The following IDE variants were observed in gnomAD, a reference collection of about 807,000 sequenced individuals.
IDE encodes insulin-degrading enzyme.
In IDE, 58 loss-of-function variants were observed where a neutral mutation model predicts 133.2. The ratio of observed to expected loss-of-function variants is 0.44; its 90% CI spans 0.35 to 0.54. The LOEUF (loss-of-function observed/expected upper bound fraction) is 0.54, where lower values mean the gene tolerates loss of function less well. Ranked by LOEUF, IDE falls within the 20% of genes least tolerant of loss-of-function variation. The pLI, the probability that IDE is intolerant of heterozygous loss-of-function variation, is 0.00. For missense variants in IDE, 981 were observed against 1,234.0 expected (o/e 0.79, Z 3.07); for synonymous variants, 396 against 421.3 (o/e 0.94, Z 0.73).
At chr10:92,475,071 TC>T (rs1340940121) in intron 16 of IDE, 110 bp from the exon 17 acceptor site, 1 of 745,404 alleles carries the variant, frequency 1.3e-6, no homozygotes, top group Non-Finnish European at 2.1e-6. Flanking sequence ...ACTAGGATAT[TC>T]CCTTCTTTCC....
At chr10:92,559,430 T>C (rs1843171354) in intron 1 of IDE, among the ~76,000 whole-genome samples, 1 of 152,218 alleles carries the variant, frequency 6.6e-6, no homozygotes, top group Non-Finnish European at 1.5e-5. Context: ...AATGCAATAC[T>C]ATGAGTACTA....
At chr10:92,486,950 T>C (rs182236694) in intron 13 of IDE, among the ~76,000 whole-genome samples, 17 of 152,350 alleles carry the variant, frequency 1.1e-4, no homozygotes, top group African/African-American at 3.8e-4. Context: ...CAGCTCAGAC[T>C]TACTTTTTTC....
intron 22 of IDE, among the ~76,000 whole-genome samples, chr10:92,458,738 G>C (rs1012645052): frequency 6.6e-5 from 10 of 152,034 alleles, no homozygotes; most frequent in African/African-American, 2.4e-4. Context: ...CTGACCTCGT[G>C]ATCTGCCCAC....
In IDE at chr10:92,461,139, C is replaced by T. The variant is rs1020660302; in HGVS notation, c.2823+52G>A. On this transcript the variant is annotated intron_variant, in intron 22 of 24. Coordinates refer to ENST00000265986, the MANE Select transcript of IDE (RefSeq NM_004969.4). Reference sequence around the variant, plus strand: ...TACAGGTGTAGGCCGCCATACCCAGCCCTATAATACTTTCATATCAGTCAA... The same window carrying T: ...TACAGGTGTAGGCCGCCATACCCAGTCCTATAATACTTTCATATCAGTCAA... 10 of 887,628 alleles carry T rather than the reference C, an allele frequency of 1.1e-5. No individual in the cohort carries two copies. In the African/African-American group the frequency reaches 1.5e-4, roughly 13 times the overall value. 55.0% of individuals were successfully genotyped at this position (887,628 alleles called of 1,614,324 possible).
At chr10:92,570,782 G>C (rs898207320) in intron 1 of IDE, among the ~76,000 whole-genome samples, 3 of 151,818 alleles carry the variant, frequency 2.0e-5, no homozygotes, top group Non-Finnish European at 4.4e-5. Context: ...GTGGGGTGGT[G>C]GCATGAGCCT....
At chr10:92,488,099 T>C (rs1847110950) in intron 12 of IDE, among the ~76,000 whole-genome samples, 1 of 151,526 alleles carries the variant, frequency 6.6e-6, no homozygotes, top group Non-Finnish European at 1.5e-5. Context: ...CCGGCCTCAC[T>C]TCAGTACTTC....
At chr10:92,563,055 A>G (rs893667754) in intron 1 of IDE, among the ~76,000 whole-genome samples, 2 of 152,186 alleles carry the variant, frequency 1.3e-5, no homozygotes, top group African/African-American at 4.8e-5. Flanking sequence ...GTTCGAGACC[A>G]GCCTGGCCAA....
At chr10:92,557,205 G>C (rs1262177318) in intron 1 of IDE, among the ~76,000 whole-genome samples, 2 of 152,158 alleles carry the variant, frequency 1.3e-5, no homozygotes, top group Non-Finnish European at 2.9e-5. Flanking sequence ...CAAAACAATT[G>C]TAAGCAAAAT....
At chr10:92,527,906 C>T (rs1248907846) in intron 4 of IDE, among the ~76,000 whole-genome samples, 1 of 152,142 alleles carries the variant, frequency 6.6e-6, no homozygotes. Context: ...ATCCCAACTA[C>T]TTGGGGAGCT....
At chr10:92,568,824 AAATAAT>A (rs1223478035) in intron 1 of IDE, among the ~76,000 whole-genome samples, 5 of 149,152 alleles carry the variant, frequency 3.4e-5, no homozygotes, top group African/African-American at 2.5e-5. Flanking sequence ...TCAAAAAAAA[AAATAAT>A]AATAATAATA....
At chr10:92,455,272 T>G (rs1844931772) in intron 24 of IDE, among the ~76,000 whole-genome samples, 1 of 152,076 alleles carries the variant, frequency 6.6e-6, no homozygotes, top group South Asian at 2.1e-4. Flanking sequence ...GGTCAGTAGT[T>G]TGAGACCAGC....
intron 5 of IDE, among the ~76,000 whole-genome samples, chr10:92,514,111 T>G (rs1032323629): frequency 2.0e-5 from 3 of 152,210 alleles, no homozygotes; most frequent in Non-Finnish European, 2.9e-5. Flanking sequence ...ATTTGAACTC[T>G]GATTATTTCC....
chr10:92,466,623 T>A (rs1408507272), intron 19 of IDE, among the ~76,000 whole-genome samples: 1 of 49,566 alleles, frequency 2.0e-5, no homozygotes, highest in Non-Finnish European at 3.5e-5. Flanking sequence ...GGCCCTTTTC[T>A]TTTTTTTTTT....
At chr10:92,568,815 C>CAAA (rs202095680) in intron 1 of IDE, among the ~76,000 whole-genome samples, 20 of 143,950 alleles carry the variant, frequency 1.4e-4, no homozygotes, top group Non-Finnish European at 1.8e-4. Flanking sequence ...GACTCTTTCT[C>CAAA]AAAAAAAAAA....
At chr10:92,541,395 A>C (rs775867887) in intron 1 of IDE, 22 of 458,184 alleles carry the variant, frequency 4.8e-5, no homozygotes, top group Non-Finnish European at 9.5e-5. Context: ...TCATAAGATC[A>C]CCTGTCTATC....
intron 12 of IDE, among the ~76,000 whole-genome samples, chr10:92,490,052 G>A (rs1054261890): frequency 3.3e-5 from 5 of 152,134 alleles, no homozygotes; most frequent in Non-Finnish European, 7.4e-5. Context: ...CAAAAAGAAC[G>A]GTGCTATAAC....
At chr10:92,507,509 T>C (rs1848358811) in intron 9 of IDE, 66 bp downstream of exon 9, 2 of 833,830 alleles carry the variant, frequency 2.4e-6, no homozygotes, top group African/African-American at 1.7e-5. Flanking sequence ...AAATTTAAAT[T>C]AATTCACATG....
intron 4 of IDE, among the ~76,000 whole-genome samples, chr10:92,517,623 C>G (rs1055834409): frequency 5.9e-5 from 9 of 151,918 alleles, no homozygotes; most frequent in African/African-American, 2.2e-4. Flanking sequence ...TCTATGTTAC[C>G]CAGGTTGGTT....
intron 14 of IDE, among the ~76,000 whole-genome samples, chr10:92,480,035 T>C (rs532529081): frequency 1.3e-5 from 2 of 152,004 alleles, no homozygotes; most frequent in Non-Finnish European, 2.9e-5. Context: ...TAGGGAAAAA[T>C]AAAATAGAAA....
Sources: gnomAD v4.1 joint callset for allele counts (sites outside exome capture counted in the v4.1 genomes callset) on GRCh38, gnomAD v4.1.1 for gene constraint, MANE v1.5 for transcripts, NCBI Gene and HGNC (gene_info 2026-07-23, HGNC 2026-07-21) for gene names.